SPATA7: variants seen among roughly 807,000 people sequenced by gnomAD.
SPATA7 encodes spermatogenesis-associated protein 7.
SPATA7 carries 43 observed loss-of-function variants against 51.8 expected under a neutral mutation model. That is an observed-to-expected ratio of 0.83 (90% CI 0.65 to 1.07). The LOEUF is 1.07. Among genes scored for constraint, SPATA7 ranks in the 50% least tolerant of loss-of-function variants. The pLI, the probability that SPATA7 is intolerant of heterozygous loss-of-function variation, is 0.00. For synonymous variants in SPATA7, 230 were observed against 252.8 expected (o/e 0.91, Z 0.86); for missense variants, 683 against 701.3 (o/e 0.97, Z 0.30).
intron 8 of SPATA7, 104 bp downstream of exon 8, chr14:88,429,567 A>C (rs2076886517): frequency 1.4e-6 from 1 of 705,848 alleles, no homozygotes. Flanking sequence ...TGCATGCTCC[A>C]ATCTATTTTG....
At chr14:88,420,360 C>A (rs900702312) in intron 5 of SPATA7, among the ~76,000 whole-genome samples, 1 of 152,156 alleles carries the variant, frequency 6.6e-6, no homozygotes, top group Admixed American at 6.5e-5. Context: ...TGGCATCTTT[C>A]CCAAGTAAGC....
chr14:88,469,534 T>A lies in SPATA7; in HGVS notation c.255-313T>A. 6.2e-7 allele frequency: 1 copy of A among 1,614,200 alleles called. No homozygotes were observed. The highest frequency in any genetic ancestry group is 2.2e-5 in the East Asian group (1 of 44,888). Reference sequence around the variant, plus strand: ...CTTGAGGTCTTCTGGACAGCCATGTTCAGGCCAGTCTGTGTATTGGAGGTG... The same window carrying A: ...CTTGAGGTCTTCTGGACAGCCATGTACAGGCCAGTCTGTGTATTGGAGGTG... On this transcript the variant is annotated intron_variant, in intron 4 of 4. Transcript: ENST00000556406. This position sits in a 1 kb window ranked among gnomAD's most constrained non-coding sequence, Gnocchi z 4.3.
At chr14:88,464,166 A>AGAT (rs1201546099) in intron 4 of SPATA7, among the ~76,000 whole-genome samples, 1 of 152,074 alleles carries the variant, frequency 6.6e-6, no homozygotes, top group Non-Finnish European at 1.5e-5. Flanking sequence ...AAATAATTTT[A>AGAT]GATAGTAGGG....
intron 3 of SPATA7, among the ~76,000 whole-genome samples, chr14:88,445,552 C>T (rs1352864367): frequency 3.3e-5 from 5 of 151,568 alleles, no homozygotes; most frequent in Non-Finnish European, 7.4e-5. Context: ...GAGGGCATCC[C>T]TGTCTTGTGC....
intron 4 of SPATA7, among the ~76,000 whole-genome samples, chr14:88,398,090 AAAAG>A (rs1188328650): frequency 1.1e-4 from 16 of 152,068 alleles, no homozygotes. Context: ...TCAAAAAAAA[AAAAG>A]AAATGTATCC....
intron 4 of SPATA7, among the ~76,000 whole-genome samples, chr14:88,463,587 A>G (rs903023448): frequency 2.0e-5 from 3 of 152,144 alleles, no homozygotes; most frequent in Non-Finnish European, 2.9e-5. Context: ...CAGGGCCCCT[A>G]TGGTTTCAGT....
intron 4 of SPATA7, chr14:88,468,840 T>C (rs2077406543): frequency 6.3e-7 from 1 of 1,577,600 alleles, no homozygotes; most frequent in African/African-American, 1.3e-5. Context: ...CAAAAAGAGC[T>C]ATTAAGTCAC....
At chr14:88,417,826 T>G (rs1483065406) in intron 5 of SPATA7, among the ~76,000 whole-genome samples, 2 of 152,212 alleles carry the variant, frequency 1.3e-5, no homozygotes, top group Admixed American at 1.3e-4. Flanking sequence ...GGTTATGCTA[T>G]CCTCATAAAA....
intron 2 of SPATA7, among the ~76,000 whole-genome samples, chr14:88,392,330 G>T (rs2075767521): frequency 6.6e-6 from 1 of 152,104 alleles, no homozygotes; most frequent in Admixed American, 6.6e-5. Flanking sequence ...TAGGTATGGT[G>T]GTTTTAAGTA....
Position 88,396,090 on chromosome 14 carries a change from C to T in SPATA7, c.191-66C>T, listed in dbSNP as rs563469560. 367 of 1,310,350 alleles carry T rather than the reference C, an allele frequency of 2.8e-4. 1 individual carries two copies. In the South Asian group the frequency reaches 4.2e-3, roughly 15 times the overall value. 81.2% of individuals were successfully genotyped at this position (1,310,350 alleles called of 1,614,324 possible). Reference sequence around the variant, plus strand: ...CAAGGTCTGGAACATTTTGTGATTTCCACATTTGGTATTTGTCATTTATAA... The same window carrying T: ...CAAGGTCTGGAACATTTTGTGATTTTCACATTTGGTATTTGTCATTTATAA... On this transcript the variant is annotated intron_variant, in intron 3 of 11. Transcript: ENST00000393545.
At chr14:88,433,853 A>G (rs912159579) in intron 10 of SPATA7, among the ~76,000 whole-genome samples, 2 of 152,170 alleles carry the variant, frequency 1.3e-5, no homozygotes, top group African/African-American at 4.8e-5. Context: ...AATTATTTCT[A>G]TCCTCTACAT....
intron 3 of SPATA7, 45 bp downstream of exon 3, chr14:88,393,533 C>T: frequency 2.3e-6 from 3 of 1,320,616 alleles, no homozygotes; most frequent in Non-Finnish European, 3.2e-6. Flanking sequence ...ATTTAAACCT[C>T]CAGCTTCACT....
intron 4 of SPATA7, among the ~76,000 whole-genome samples, chr14:88,460,529 G>A (rs971394493): frequency 1.4e-4 from 22 of 152,046 alleles, no homozygotes; most frequent in African/African-American, 4.4e-4. Context: ...CATTCATCAC[G>A]TAGTTCTCTT....
chr14:88,418,094 G>A (rs1443311798), intron 5 of SPATA7, among the ~76,000 whole-genome samples: 1 of 152,092 alleles, frequency 6.6e-6, no homozygotes, highest in African/African-American at 2.4e-5. Context: ...TTCTGAATAT[G>A]TATTATTTCC....
At chr14:88,464,928 T>G (rs2077345874) in intron 4 of SPATA7, among the ~76,000 whole-genome samples, 1 of 152,128 alleles carries the variant, frequency 6.6e-6, no homozygotes, top group Admixed American at 6.5e-5. Flanking sequence ...TGGTGAAAGC[T>G]TCACAGAAAA....
intron 4 of SPATA7, chr14:88,468,055 G>C: frequency 6.6e-7 from 1 of 1,516,516 alleles, no homozygotes; most frequent in Admixed American, 1.8e-5. Context: ...AAGTGTCAAC[G>C]GGAAAGTATG....
chr14:88,437,459 T>A, intron 10 of SPATA7, 84 bp from the exon 11 acceptor site: 1 of 941,676 alleles, frequency 1.1e-6, no homozygotes, highest in Non-Finnish European at 1.7e-6. Context: ...TTTCAACCTT[T>A]GTAGTTTCAG....
intron 4 of SPATA7, among the ~76,000 whole-genome samples, chr14:88,402,298 G>A (rs1179802581): frequency 3.3e-5 from 5 of 152,112 alleles, no homozygotes; most frequent in South Asian, 4.1e-4. Context: ...ACAAACAATC[G>A]TAAAATTCAT....
intron 1 of SPATA7, 126 bp from the exon 2 acceptor site, chr14:88,391,255 A>T: frequency 1.2e-6 from 1 of 830,736 alleles, no homozygotes; most frequent in Admixed American, 2.3e-5. Context: ...CTAAAAACGC[A>T]ATCACCTTTT....
Sources: gnomAD v4.1 joint callset for allele counts (sites outside exome capture counted in the v4.1 genomes callset) on GRCh38, gnomAD v4.1.1 for gene constraint, Gnocchi (gnomAD v3.1) non-coding constraint, MANE v1.5 for transcripts, NCBI Gene and HGNC (gene_info 2026-07-23, HGNC 2026-07-21) for gene names.